The following TSHZ2 variants were observed in gnomAD, a reference collection of about 807,000 sequenced individuals.
TSHZ2 encodes the protein teashirt homolog 2.
In TSHZ2, 21 loss-of-function variants were observed where a neutral mutation model predicts 74.4. The observed-to-expected ratio is 0.28, with a 90% confidence interval of 0.20 to 0.41. The LOEUF (loss-of-function observed/expected upper bound fraction) is 0.41. Among genes scored for constraint, TSHZ2 ranks in the 10% least tolerant of loss-of-function variants. The pLI is 1.00. For synonymous variants in TSHZ2, 540 were observed against 515.3 expected (o/e 1.05, Z -0.65); for missense variants, 1,244 against 1,293.5 (o/e 0.96, Z 0.59).
At chr20:53,422,859 G>A (rs985970495) in intron 2 of TSHZ2, among the ~76,000 whole-genome samples, 2 of 152,220 alleles carry the variant, frequency 1.3e-5, no homozygotes, top group African/African-American at 4.8e-5. Flanking sequence ...ACATGATGCA[G>A]TGTTAAGAAC....
chr20:53,385,467 C>T (rs564875573), intron 2 of TSHZ2, among the ~76,000 whole-genome samples: 62 of 152,074 alleles, frequency 4.1e-4, no homozygotes, highest in Non-Finnish European at 6.9e-4. Context: ...GTGTAGGAAA[C>T]GCAGATCACA....
intron 1 of TSHZ2, among the ~76,000 whole-genome samples, chr20:53,246,355 G>A (rs1990204915): frequency 6.6e-6 from 1 of 152,064 alleles, no homozygotes; most frequent in African/African-American, 2.4e-5. Context: ...CTGTGCTTTT[G>A]ATGTGCCATA....
chr20:53,194,538 T>C (rs1170872937), intron 1 of TSHZ2, among the ~76,000 whole-genome samples: 1 of 152,250 alleles, frequency 6.6e-6, no homozygotes, highest in Non-Finnish European at 1.5e-5. Context: ...GGGCTCCACA[T>C]TGTAAATCAT....
chr20:53,331,089 T>G (rs532571014), intron 2 of TSHZ2, among the ~76,000 whole-genome samples: 1 of 152,204 alleles, frequency 6.6e-6, no homozygotes, highest in Non-Finnish European at 1.5e-5. Flanking sequence ...ATGCGGGATT[T>G]GGATGTACTA....
At chr20:53,072,989 T>TCATCCCTCCCTCCCTC (rs1985228576) in intron 1 of TSHZ2, among the ~76,000 whole-genome samples, 1 of 101,632 alleles carries the variant, frequency 9.8e-6, no homozygotes, top group Non-Finnish European at 2.1e-5. Flanking sequence ...ATCCCTCCCT[T>TCATCCCTCCCTCCCTC]CATCCATCCC....
intron 1 of TSHZ2, among the ~76,000 whole-genome samples, chr20:53,027,071 AGTT>A (rs2123050754): frequency 1.3e-5 from 2 of 151,918 alleles, no homozygotes; most frequent in East Asian, 3.9e-4. Context: ...AGTCAGTTCA[AGTT>A]GTTTGCAACT....
chr20:53,342,014 A>T (rs1980224117), intron 2 of TSHZ2, among the ~76,000 whole-genome samples: 1 of 152,172 alleles, frequency 6.6e-6, no homozygotes. Flanking sequence ...CCCAGCCAGA[A>T]CAATTTTAAA....
chr20:53,254,809 T>C lies in TSHZ2; in HGVS notation c.1351T>C (p.Ser451Pro). The C allele has an allele frequency of 6.2e-7, 1 of 1,613,836 alleles. No homozygotes were observed. The highest frequency in any genetic ancestry group is 8.5e-7 in the Non-Finnish European group (1 of 1,179,906). The change falls in exon 2 of 3, where the codon TCA (serine) becomes CCA (proline). Residue 451 changes from serine to proline, a missense_variant. This residue lies in a region of TSHZ2 where 562 missense variants were observed against 544.0 expected (regional missense o/e 1.03). Transcript: ENST00000371497. ...TCCCAAGCCATCCAGTAACTCAGCA[T>C]CAGATTGTACAGCCTCTACAACTGA... The part of the protein sequence containing the change: ...LAPKPSSNSA[S>P]DCTASTTELK...
In TSHZ2 at chr20:53,281,657, G is replaced by A. The variant is rs73274255; in HGVS notation, c.*8+25086G>A. Reference sequence around the variant, plus strand: ...CCTAGAAGCAGATCCTGACATCAGGGTTCCTGGGCTATTAAACCTATTGAA... The same window carrying A: ...CCTAGAAGCAGATCCTGACATCAGGATTCCTGGGCTATTAAACCTATTGAA... On this transcript the variant is annotated intron_variant, in intron 2 of 2. Transcript: ENST00000371497. Among the ~76,000 whole-genome samples, 726 of 152,312 alleles carry A rather than the reference G, an allele frequency of 4.8e-3. 3 individuals are homozygous for A. The highest frequency in any genetic ancestry group is 0.016 in the African/African-American group (678 of 41,568).
intron 1 of TSHZ2, among the ~76,000 whole-genome samples, chr20:53,116,331 C>T (rs1398767766): frequency 1.3e-5 from 2 of 152,164 alleles, no homozygotes; most frequent in African/African-American, 4.8e-5. Flanking sequence ...AATCATTATT[C>T]GGTAACCTGG....
intron 2 of TSHZ2, among the ~76,000 whole-genome samples, chr20:53,359,568 A>T (rs1270237357): frequency 2.0e-5 from 3 of 152,234 alleles, no homozygotes; most frequent in African/African-American, 7.2e-5. Context: ...TGGCGCCAAC[A>T]TTCATTTGGC....
Position 53,050,103 on chromosome 20 carries a change from G to GTATATATATATATATATA in TSHZ2, c.40+76775_40+76792dup, listed in dbSNP as rs71897861. Among the ~76,000 whole-genome samples the GTATATATATATATATATA allele has an allele frequency of 7.8e-3, 897 of 115,434 alleles. 13 individuals are homozygous for GTATATATATATATATATA. The highest frequency in any genetic ancestry group is 0.016 in the African/African-American group (419 of 25,494). 75.7% of individuals were successfully genotyped at this position (115,434 alleles called of 152,430 possible). ...CTCAAAAAAAAAAATGTATATGTGT[G>GTATATATATATATATATA]TATATATATATATATATATATACAC... is the stretch of plus-strand genomic sequence containing the variant. On this transcript the variant is annotated intron_variant, in intron 1 of 2. Coordinates refer to ENST00000371497, the MANE Select transcript of TSHZ2 (RefSeq NM_173485.6).
intron 2 of TSHZ2, among the ~76,000 whole-genome samples, chr20:53,463,078 T>G (rs1985430137): frequency 6.6e-6 from 1 of 152,114 alleles, no homozygotes; most frequent in Admixed American, 6.5e-5. Flanking sequence ...TGCAAATAAA[T>G]CAACAGAGCC....
intron 2 of TSHZ2, among the ~76,000 whole-genome samples, chr20:53,480,714 A>G (rs572106078): frequency 1.3e-5 from 2 of 152,212 alleles, no homozygotes; most frequent in African/African-American, 4.8e-5. Flanking sequence ...TTTAGCAACC[A>G]TAAGACATGC....
chr20:53,122,299 AAAAAG>A lies in TSHZ2; in HGVS notation c.41-131196_41-131192del, dbSNP rs775904202. 4.8e-4 allele frequency among the ~76,000 whole-genome samples: 70 copies of A among 145,044 alleles called. 1 individual carries two copies. Among genetic ancestry groups the A allele is most frequent in the Admixed American group, 1.2e-3 (16 of 13,730 alleles). The stretch of plus-strand genomic sequence containing the variant: ...TGAGACCCCATCTACAAAAAAAAAA[AAAAAG>A]AAAGAAAACAACAGCAACAATGATT... On this transcript the variant is annotated intron_variant, in intron 1 of 2. Transcript: ENST00000371497.
intron 2 of TSHZ2, among the ~76,000 whole-genome samples, chr20:53,261,824 C>G (rs1020006141): frequency 1.3e-5 from 2 of 152,256 alleles, no homozygotes; most frequent in Middle Eastern, 3.4e-3. Context: ...TTTTAATTAG[C>G]TCATATTTTT....
rs139709658 is a variant in TSHZ2, at chr20:53,254,703, A to G, written c.1245A>G (p.Lys415=). Residue 415 remains lysine, a synonymous_variant, in exon 2 of 3, where the codon AAA becomes AAG. Coordinates refer to ENST00000371497, the MANE Select transcript of TSHZ2 (RefSeq NM_173485.6). ...FLKVTSSASK[K]GKQLVLDPLA... is the part of the protein sequence containing the mutation. ...AGGTCACCAGCTCTGCCTCCAAGAA[A>G]GGGAAGCAGCTGGTATTAGACCCGT... is the stretch of plus-strand genomic sequence containing the variant. 26 of 1,614,074 alleles carry G rather than the reference A, an allele frequency of 1.6e-5. No homozygotes were observed. Among genetic ancestry groups the G allele is most frequent in the Non-Finnish European group, 2.0e-5 (24 of 1,180,034 alleles).
In TSHZ2 at chr20:52,997,653, G is replaced by A. The variant is rs371713935; in HGVS notation, c.40+24320G>A. 1.3e-4 allele frequency among the ~76,000 whole-genome samples: 20 copies of A among 152,224 alleles called. No individual in the cohort carries two copies. In the South Asian group the frequency reaches 3.1e-3, roughly 24 times the overall value. On this transcript the variant is annotated intron_variant, in intron 1 of 2. Coordinates refer to ENST00000371497, the MANE Select transcript of TSHZ2 (RefSeq NM_173485.6). ...CTGAATGGTAACACCCAAGCAAGCC[G>A]GGTTCTGTTGGGCAAAGAGCCTGTT...
At chr20:53,040,847 C>A (rs1316583630) in intron 1 of TSHZ2, among the ~76,000 whole-genome samples, 5 of 152,176 alleles carry the variant, frequency 3.3e-5, no homozygotes, top group Non-Finnish European at 7.3e-5. Context: ...TTTGCTCCCT[C>A]CCCGAGTTTG....
Sources: gnomAD v4.1 joint callset for allele counts (sites outside exome capture counted in the v4.1 genomes callset) on GRCh38, gnomAD v4.1.1 for gene constraint, gnomAD v4.1.1 regional missense constraint, MANE v1.5 for transcripts, NCBI Gene and HGNC (gene_info 2026-07-23, HGNC 2026-07-21) for gene names.